Variants in RASGEF1C observed in about 807,000 individuals in gnomAD.
The protein encoded by RASGEF1C is ras-GEF domain-containing family member 1C.
In RASGEF1C, 27 loss-of-function variants were observed where a neutral mutation model predicts 58.1. That is an observed-to-expected ratio of 0.46 (90% CI 0.34 to 0.64). The LOEUF (loss-of-function observed/expected upper bound fraction) is 0.64. Ranked by LOEUF, RASGEF1C falls within the 30% of genes least tolerant of loss-of-function variation. RASGEF1C has a pLI of 0.01. For missense variants in RASGEF1C, 502 were observed against 605.1 expected, an observed-to-expected ratio of 0.83 and a Z score of 1.79; for synonymous variants, 243 against 246.3, an observed-to-expected ratio of 0.99 and a Z score of 0.13.
chr5:180,179,305 AG>A (rs1252241182), intron 1 of RASGEF1C, among the ~76,000 whole-genome samples: 4 of 152,214 alleles, frequency 2.6e-5, no homozygotes, highest in African/African-American at 9.6e-5. Context: ...TGCAGGGAGA[AG>A]GGAGTAGAGG....
chr5:180,201,386 C>T (rs538837488), intron 1 of RASGEF1C, among the ~76,000 whole-genome samples: 9 of 152,224 alleles, frequency 5.9e-5, no homozygotes, highest in Non-Finnish European at 8.8e-5. Flanking sequence ...AGTCCACTCC[C>T]GCCTCCCAAA....
At position 180,137,214 on chromosome 5, in the gene RASGEF1C, C is replaced by G; in HGVS notation, c.300+376G>C. Reference sequence around the variant, plus strand: ...CCCACTAGCGGTAGAGCCCTACCGACGCGTGTGCAATAGAGGCAGCCCGCA... The same window carrying G: ...CCCACTAGCGGTAGAGCCCTACCGAGGCGTGTGCAATAGAGGCAGCCCGCA... On this transcript the variant is annotated intron_variant, in intron 3 of 13. Transcript: ENST00000361132. The surrounding 1 kb of genome is among the most constrained non-coding windows in gnomAD (Gnocchi z 4.1). 6.6e-6 allele frequency among the ~76,000 whole-genome samples: 1 copy of G among 152,240 alleles called. No individual in the cohort carries two copies. The highest frequency in any genetic ancestry group is 3.4e-3 in the Middle Eastern group (1 of 294).
intron 1 of RASGEF1C, among the ~76,000 whole-genome samples, chr5:180,201,056 C>T (rs1166815282): frequency 1.3e-5 from 2 of 152,164 alleles, no homozygotes; most frequent in African/African-American, 4.8e-5. Flanking sequence ...TGTGATCGCA[C>T]CAGCGCACTA....
intron 6 of RASGEF1C, among the ~76,000 whole-genome samples, chr5:180,122,489 G>A (rs895164508): frequency 1.3e-5 from 2 of 152,020 alleles, no homozygotes; most frequent in South Asian, 2.1e-4. Context: ...GCCTGTAATC[G>A]CAACACTTTG....
intron 11 of RASGEF1C, among the ~76,000 whole-genome samples, chr5:180,112,984 G>A (rs373698285): frequency 1.1e-4 from 10 of 89,850 alleles, no homozygotes; most frequent in Admixed American, 1.2e-4. Context: ...GGAGGGACCG[G>A]GGATGGACGG....
intron 8 of RASGEF1C, 136 bp from the exon 9 acceptor site, chr5:180,119,002 G>A (rs1299649058): frequency 7.6e-6 from 6 of 793,846 alleles, no homozygotes; most frequent in Non-Finnish European, 8.4e-6. Context: ...GGTGGGTGAG[G>A]GGGTGCTGGT....
intron 1 of RASGEF1C, among the ~76,000 whole-genome samples, chr5:180,166,164 G>A (rs922658001): frequency 6.6e-6 from 1 of 152,068 alleles, no homozygotes; most frequent in Non-Finnish European, 1.5e-5. Context: ...ACTTCAAGTG[G>A]AATCTAGAAA....
At position 180,137,310 on chromosome 5, in the gene RASGEF1C, C is replaced by T. The variant is rs1766499129; in HGVS notation, c.300+280G>A. Among the ~76,000 whole-genome samples, 1 of 152,190 alleles carries T rather than the reference C, an allele frequency of 6.6e-6. No homozygotes were observed. Among genetic ancestry groups the T allele is most frequent in the Non-Finnish European group, 1.5e-5 (1 of 68,026 alleles). On this transcript the variant is annotated intron_variant, in intron 3 of 13. Transcript: ENST00000361132. The surrounding 1 kb of genome is among the most constrained non-coding windows in gnomAD (Gnocchi z 4.1). ...GGAAGCCCACCAGAGGCAGCAGGCC[C>T]TCCCGGCCACAGATGGGTCCTACTG...
intron 12 of RASGEF1C, among the ~76,000 whole-genome samples, chr5:180,102,372 T>A (rs771358589): frequency 6.6e-6 from 1 of 152,218 alleles, no homozygotes; most frequent in Non-Finnish European, 1.5e-5. Flanking sequence ...TATAAATACA[T>A]GAGTCTTTAT....
At chr5:180,184,178 AAAAT>A (rs71001083) in intron 1 of RASGEF1C, among the ~76,000 whole-genome samples, 86 of 142,326 alleles carry the variant, frequency 6.0e-4, no homozygotes, top group Admixed American at 2.5e-3. Flanking sequence ...TAAATAAATA[AAAAT>A]AAATAAATAA....
At chr5:180,132,243 G>C (rs912554198) in intron 4 of RASGEF1C, among the ~76,000 whole-genome samples, 1 of 152,238 alleles carries the variant, frequency 6.6e-6, no homozygotes, top group Non-Finnish European at 1.5e-5. Flanking sequence ...CGGGAGGCTG[G>C]GTGGTCTGGA....
At chr5:180,183,614 C>G (rs780227878) in intron 1 of RASGEF1C, among the ~76,000 whole-genome samples, 1 of 152,086 alleles carries the variant, frequency 6.6e-6, no homozygotes, top group African/African-American at 2.4e-5. Context: ...CACCTGAGGT[C>G]GGGAGTACAA....
intron 10 of RASGEF1C, among the ~76,000 whole-genome samples, chr5:180,117,196 C>T (rs1206513673): frequency 2.0e-5 from 3 of 152,206 alleles, no homozygotes; most frequent in Admixed American, 6.5e-5. Context: ...CTGCCTGGGA[C>T]CCAGAGTCAC....
chr5:180,134,144 A>G (rs1357755143), intron 4 of RASGEF1C, among the ~76,000 whole-genome samples: 1 of 152,182 alleles, frequency 6.6e-6, no homozygotes, highest in Admixed American at 6.5e-5. Context: ...AACAACCCAC[A>G]GTCCACAGCA....
chr5:180,115,497 G>T, intron 10 of RASGEF1C: 1 of 206,696 alleles, frequency 4.8e-6, no homozygotes, highest in Non-Finnish European at 1.1e-5. Flanking sequence ...ATTGTAGTGG[G>T]AGACACAGTT....
At chr5:180,117,680 C>T (rs926682568) in intron 10 of RASGEF1C, among the ~76,000 whole-genome samples, 4 of 152,092 alleles carry the variant, frequency 2.6e-5, no homozygotes. Flanking sequence ...GCAGAGGCTC[C>T]ACAAATGCAG....
At chr5:180,138,524 C>T (rs1445633159) in intron 1 of RASGEF1C, among the ~76,000 whole-genome samples, 3 of 152,126 alleles carry the variant, frequency 2.0e-5, no homozygotes, top group Non-Finnish European at 4.4e-5. Flanking sequence ...AGTCCTTGAG[C>T]TGGTGGAATG....
At chr5:180,112,034 TG>T (rs1327994820) in intron 11 of RASGEF1C, among the ~76,000 whole-genome samples, 1 of 152,172 alleles carries the variant, frequency 6.6e-6, no homozygotes, top group African/African-American at 2.4e-5. Flanking sequence ...TGATCTGCCC[TG>T]GAAGCCAGGT....
At chr5:180,178,237 T>C (rs1767263090) in intron 1 of RASGEF1C, among the ~76,000 whole-genome samples, 1 of 145,986 alleles carries the variant, frequency 6.8e-6, no homozygotes, top group Non-Finnish European at 1.5e-5. Context: ...CCTCCCAAAG[T>C]GCTGGGATTA....
Sources: allele counts gnomAD v4.1 joint callset (sites outside exome capture counted in the v4.1 genomes callset), GRCh38; gene constraint gnomAD v4.1.1; non-coding constraint Gnocchi (gnomAD v3.1); transcripts MANE v1.5; gene names NCBI Gene and HGNC (gene_info 2026-07-23, HGNC 2026-07-21).